Variants in INPP5B observed in about 807,000 individuals in gnomAD.
INPP5B encodes type II inositol 1,4,5-trisphosphate 5-phosphatase.
A neutral mutation model predicts 118.5 loss-of-function variants in INPP5B; 90 were observed. That is an observed-to-expected ratio of 0.76 (90% CI 0.64 to 0.90). The LOEUF (loss-of-function observed/expected upper bound fraction) is 0.90, where lower values mean the gene tolerates loss of function less well. INPP5B is among the 40% of genes least tolerant of loss of function. The pLI is 0.00. For missense variants in INPP5B, 984 were observed against 1,125.6 expected (o/e 0.87, Z 1.80); for synonymous variants, 385 against 418.9 (o/e 0.92, Z 0.99).
chr1:37,932,084 C>T, intron 6 of INPP5B, 31 bp from the exon 7 acceptor site: 1 of 1,539,370 alleles, frequency 6.5e-7, no homozygotes, highest in Non-Finnish European at 8.7e-7. Flanking sequence ...GCAGACTGAG[C>T]CACGAGCTTG....
chr1:37,946,448 T>C (rs1646115473), intron 1 of INPP5B, 114 bp from the exon 2 acceptor site: 3 of 706,544 alleles, frequency 4.2e-6, no homozygotes, highest in Non-Finnish European at 7.2e-6. Flanking sequence ...AGGGAGATGG[T>C]ACCGGGGAGG....
intron 12 of INPP5B, 131 bp from the exon 13 acceptor site, chr1:37,885,956 GATCA>G: frequency 2.8e-6 from 2 of 716,610 alleles, no homozygotes; most frequent in Non-Finnish European, 4.7e-6. Context: ...GAGGCGGGTG[GATCA>G]TGAGGTCAGG....
chr1:37,866,406 T>TCTCTCTCTCACACA lies in INPP5B; in HGVS notation c.2386+52_2386+53insTGTGTGAGAGAGAG, dbSNP rs748938943. ...CATATTCTCTCTCTCTCTCTCTCTC[T>TCTCTCTCTCACACA]CACACACACACACACACACACACAC... On this transcript the variant is annotated intron_variant, in intron 21 of 23. Transcript: ENST00000373024. 1.8e-4 allele frequency: 74 copies of TCTCTCTCTCACACA among 404,512 alleles called. No homozygotes were observed. In the South Asian group the frequency reaches 2.7e-3, roughly 15 times the overall value. 25.1% of individuals were successfully genotyped at this position (404,512 alleles called of 1,614,324 possible). A position where few individuals can be genotyped will look rare whatever the true frequency, so the allele number is the denominator to read the frequency against.
intron 4 of INPP5B, 52 bp downstream of exon 4, chr1:37,943,744 G>A: frequency 6.2e-7 from 1 of 1,610,348 alleles, no homozygotes; most frequent in South Asian, 1.1e-5. Context: ...GGACAAAGAT[G>A]AGCTGGGGGG....
At chr1:37,898,228 A>T (rs771143506) in intron 7 of INPP5B, among the ~76,000 whole-genome samples, 1 of 152,206 alleles carries the variant, frequency 6.6e-6, no homozygotes, top group Non-Finnish European at 1.5e-5. Context: ...AGACAAAACT[A>T]TAGAGACGGT....
At chr1:37,865,546 G>A (rs552561325) in intron 22 of INPP5B, among the ~76,000 whole-genome samples, 1 of 152,242 alleles carries the variant, frequency 6.6e-6, no homozygotes, top group East Asian at 1.9e-4. Flanking sequence ...AGGAGAGGGT[G>A]GAGTCAGAAA....
At chr1:37,909,440 G>A (rs1265711935) in intron 7 of INPP5B, among the ~76,000 whole-genome samples, 2 of 152,010 alleles carry the variant, frequency 1.3e-5, no homozygotes, top group Non-Finnish European at 1.5e-5. Context: ...TTCATTCCGT[G>A]ACCAGCCCTC....
intron 7 of INPP5B, among the ~76,000 whole-genome samples, chr1:37,926,050 T>C (rs1053117272): frequency 6.6e-6 from 1 of 152,200 alleles, no homozygotes; most frequent in African/African-American, 2.4e-5. Context: ...TTTTACCTAT[T>C]AGTACTGACA....
At chr1:37,867,222 T>C (rs1642102942) in intron 20 of INPP5B, among the ~76,000 whole-genome samples, 1 of 152,162 alleles carries the variant, frequency 6.6e-6, no homozygotes. Flanking sequence ...AGAGCGAGAC[T>C]CCATCTCAAT....
At chr1:37,924,176 CT>C (rs535858609) in intron 7 of INPP5B, among the ~76,000 whole-genome samples, 176 of 137,952 alleles carry the variant, frequency 1.3e-3, no homozygotes, top group South Asian at 7.3e-3. Flanking sequence ...ATTTCTTTTT[CT>C]TTTTTTTTTT....
rs1260042694 is a variant in INPP5B, at chr1:37,885,829, T to G, written c.1132-4A>C. On this transcript the variant is annotated splice_polypyrimidine_tract_variant and splice_region_variant and intron_variant, in intron 12 of 23. Transcript: ENST00000373024. ...TCGCCACGCCTCCCTTGTTGCCCTA[T>G]GGAAAGGATCCCCAAAGAAATCCAA... The G allele has an allele frequency of 6.2e-7, 1 of 1,612,892 alleles. No individual in the cohort carries two copies. The highest frequency in any genetic ancestry group is 1.1e-5 in the South Asian group (1 of 91,052).
At chr1:37,894,527 C>A (rs1431700648) in intron 7 of INPP5B, among the ~76,000 whole-genome samples, 1 of 152,030 alleles carries the variant, frequency 6.6e-6, no homozygotes, top group Non-Finnish European at 1.5e-5. Context: ...GCGCAATGAA[C>A]CTGAATCCCC....
intron 3 of INPP5B, among the ~76,000 whole-genome samples, chr1:37,945,390 C>G (rs61693192): frequency 0.18 from 26,367 of 150,390 alleles, 2,838 homozygotes; most frequent in African/African-American, 0.31. Context: ...CCAAGATCAC[C>G]CCACTGCACT....
At chr1:37,920,043 T>C (rs1192341619) in intron 7 of INPP5B, among the ~76,000 whole-genome samples, 1 of 152,206 alleles carries the variant, frequency 6.6e-6, no homozygotes, top group African/African-American at 2.4e-5. Flanking sequence ...TCACAACTAC[T>C]CTATGAGGTA....
At chr1:37,937,249 T>G (rs1476581929) in intron 6 of INPP5B, among the ~76,000 whole-genome samples, 2 of 151,884 alleles carry the variant, frequency 1.3e-5, no homozygotes, top group Non-Finnish European at 2.9e-5. Context: ...AGGCGGAGGT[T>G]GCAGTGAGCC....
chr1:37,909,074 A>G (rs1644597143), intron 7 of INPP5B, among the ~76,000 whole-genome samples: 1 of 152,204 alleles, frequency 6.6e-6, no homozygotes, highest in African/African-American at 2.4e-5. Context: ...AGAAAATGAC[A>G]CTTTCGATTT....
At chr1:37,935,472 C>T (rs1645651676) in intron 6 of INPP5B, among the ~76,000 whole-genome samples, 1 of 151,274 alleles carries the variant, frequency 6.6e-6, no homozygotes, top group East Asian at 2.1e-4. Context: ...GGATTACAGG[C>T]GTGAGCCACC....
intron 7 of INPP5B, among the ~76,000 whole-genome samples, chr1:37,898,557 C>T (rs61776676): frequency 0.096 from 14,530 of 151,826 alleles, 870 homozygotes; most frequent in Middle Eastern, 0.24. Flanking sequence ...TAGCCGGGAG[C>T]GGTGGCAGGC....
rs1641752085 is a variant in INPP5B at position 37,862,390 on chromosome 1, A to G, written c.2667T>C (p.Gly889=). The G allele has an allele frequency of 6.2e-7, 1 of 1,613,974 alleles. No individual in the cohort carries two copies. Among genetic ancestry groups the G allele is most frequent in the Non-Finnish European group, 8.5e-7 (1 of 1,179,850 alleles). The change falls in exon 24 of 24, where the codon GGT becomes GGC. Residue 889 remains glycine, a synonymous_variant. Transcript: ENST00000373024. The part of the protein sequence containing the change: ...FGSLLLRNPA[G]HQKLDMTEKK... Reference sequence around the variant, plus strand: ...TCTCTGTCATATCAAGCTTTTGGTGACCAGCTGGGTTTCGAAGCAATAAGC... The same window carrying G: ...TCTCTGTCATATCAAGCTTTTGGTGGCCAGCTGGGTTTCGAAGCAATAAGC...
Sources: gnomAD v4.1 joint callset for allele counts (sites outside exome capture counted in the v4.1 genomes callset) on GRCh38, gnomAD v4.1.1 for gene constraint, MANE v1.5 for transcripts, NCBI Gene and HGNC (gene_info 2026-07-23, HGNC 2026-07-21) for gene names.